Variants in PPP6R3 observed in about 807,000 individuals in gnomAD.
PPP6R3 encodes the protein serine/threonine-protein phosphatase 6 regulatory subunit 3.
A neutral mutation model predicts 110.7 loss-of-function variants in PPP6R3; 38 were observed. That is an observed-to-expected ratio of 0.34 (90% CI 0.26 to 0.45). The LOEUF is 0.45. Ranked by LOEUF, PPP6R3 falls within the 20% of genes least tolerant of loss-of-function variation. The pLI, the probability that PPP6R3 is intolerant of heterozygous loss-of-function variation, is 1.00. For synonymous variants in PPP6R3, 369 were observed against 373.5 expected (o/e 0.99, Z 0.14); for missense variants, 870 against 1,062.4 (o/e 0.82, Z 2.52).
At chr11:68,472,574 T>G (rs959131779) in intron 1 of PPP6R3, among the ~76,000 whole-genome samples, 1 of 151,982 alleles carries the variant, frequency 6.6e-6, no homozygotes. Flanking sequence ...ATTGTCAGAC[T>G]TTAATATTTG....
At position 68,544,937 on chromosome 11, in the gene PPP6R3, C is replaced by T. The variant is rs751831114; in HGVS notation, c.327C>T (p.Phe109=). Residue 109 remains phenylalanine (F), a synonymous_variant, in exon 4 of 24, where the codon TTC becomes TTT. Transcript: ENST00000393800. ...CCTTGCTAATGAAATTATATAGCTT[C>T]CTCCTAAACGATTCCCCTTTGAATC... The part of the protein sequence containing the change: ...DESLLMKLYS[F]LLNDSPLNPL... 3.7e-6 allele frequency: 6 copies of T among 1,604,500 alleles called. No homozygotes were observed. Among genetic ancestry groups the T allele is most frequent in the Non-Finnish European group, 3.4e-6 (4 of 1,171,312 alleles).
intron 2 of PPP6R3, among the ~76,000 whole-genome samples, chr11:68,527,438 A>G (rs938962211): frequency 1.3e-5 from 2 of 152,024 alleles, no homozygotes; most frequent in Admixed American, 6.6e-5. Context: ...CAGGCGTCTT[A>G]CCTTCATCCC....
intron 1 of PPP6R3, among the ~76,000 whole-genome samples, chr11:68,517,058 G>A (rs759233083): frequency 6.6e-6 from 1 of 151,068 alleles, no homozygotes; most frequent in Non-Finnish European, 1.5e-5. Flanking sequence ...TTTAAGTAAC[G>A]GTTTTGAGAA....
chr11:68,510,210 A>G (rs141644193), intron 1 of PPP6R3, among the ~76,000 whole-genome samples: 114 of 151,702 alleles, frequency 7.5e-4, no homozygotes, highest in African/African-American at 2.7e-3. Flanking sequence ...CACCTGGCCT[A>G]TTTTATTTTA....
intron 1 of PPP6R3, among the ~76,000 whole-genome samples, chr11:68,503,797 A>C (rs1447242918): frequency 6.6e-6 from 1 of 152,246 alleles, no homozygotes; most frequent in African/African-American, 2.4e-5. Context: ...ATCATTGAGA[A>C]GACCAACCCA....
intron 14 of PPP6R3, among the ~76,000 whole-genome samples, chr11:68,580,000 T>C (rs1407333230): frequency 6.6e-6 from 1 of 152,204 alleles, no homozygotes; most frequent in East Asian, 1.9e-4. Flanking sequence ...TTTCAGATGG[T>C]AAGTGCTAAG....
In PPP6R3 at chr11:68,607,594, CTA is replaced by C. The variant is rs776908693; in HGVS notation, c.2451-2309_2451-2308del. Among the ~76,000 whole-genome samples, 319 of 152,296 alleles carry C rather than the reference CTA, an allele frequency of 2.1e-3. 1 individual carries two copies. The highest frequency in any genetic ancestry group is 3.0e-3 in the Non-Finnish European group (205 of 68,022). On this transcript the variant is annotated intron_variant, in intron 22 of 23. Transcript: ENST00000393800. ...CTTTTCAGGTGAGGAAACTGAGGCA[CTA>C]GAGTTAAGTGATGAGGCCGGAGGCC... is the stretch of plus-strand genomic sequence containing the variant.
chr11:68,484,413 T>C (rs190132006), intron 1 of PPP6R3, among the ~76,000 whole-genome samples: 1 of 152,302 alleles, frequency 6.6e-6, no homozygotes, highest in East Asian at 1.9e-4. Flanking sequence ...AGATGTGTTG[T>C]GCTATCTCAT....
intron 18 of PPP6R3, among the ~76,000 whole-genome samples, chr11:68,593,015 ATTAT>A (rs2099600226): frequency 6.6e-6 from 1 of 152,194 alleles, no homozygotes; most frequent in African/African-American, 2.4e-5. Flanking sequence ...GGCAGCTTTT[ATTAT>A]TTAACAACTC....
Position 68,614,253 on chromosome 11 carries a change from A to G in PPP6R3, c.*1136A>G. On this transcript the variant is annotated 3_prime_UTR_variant, in exon 24 of 24. Coordinates refer to ENST00000393800, the MANE Select transcript of PPP6R3 (RefSeq NM_001164161.2). ...TTAGAACTGGTTTGTGTATATATAT[A>G]GTGATTATGGATACTAATTCAATGT... The G allele has an allele frequency of 9.8e-7, 1 of 1,021,740 alleles. No homozygotes were observed. Among genetic ancestry groups the G allele is most frequent in the African/African-American group, 1.7e-5 (1 of 57,476 alleles). The allele number at this position is 1,021,740 out of a possible 1,614,324, so 63.3% of individuals were successfully genotyped here.
chr11:68,603,381 A>G lies in PPP6R3; in HGVS notation c.2339A>G (p.Glu780Gly), dbSNP rs777022096. The G allele has an allele frequency of 5.6e-6, 9 of 1,613,774 alleles. No individual in the cohort carries two copies. The African/African-American group carries it at 1.2e-4, about 22-fold the overall frequency. The change falls in exon 22 of 24, where the codon GAG becomes GGG. Residue 780 changes from glutamate to glycine, a missense_variant. Physicochemically the swap from Glu to Gly is moderately conservative, Grantham distance 98. Transcript: ENST00000393800. ...GCCATGGAAGCCAGCTCTGACGGAGAGGAGGATGCAGAAAGTACAGACAAG... is the reference window on the plus strand; with the variant it reads ...GCCATGGAAGCCAGCTCTGACGGAGGGGAGGATGCAGAAAGTACAGACAAG... ...SVAMEASSDG[E>G]EDAESTDKVT...
At chr11:68,567,643 A>G (rs963631370) in intron 10 of PPP6R3, among the ~76,000 whole-genome samples, 1 of 152,268 alleles carries the variant, frequency 6.6e-6, no homozygotes, top group East Asian at 1.9e-4. Flanking sequence ...AAGCCCAGGG[A>G]TGATTTAGGT....
At chr11:68,538,164 G>A (rs1405514006) in intron 3 of PPP6R3, among the ~76,000 whole-genome samples, 1 of 152,240 alleles carries the variant, frequency 6.6e-6, no homozygotes, top group Non-Finnish European at 1.5e-5. Flanking sequence ...TCTCAAAATA[G>A]TAAGATGATT....
chr11:68,584,165 G>C (rs1205977797), intron 15 of PPP6R3, among the ~76,000 whole-genome samples: 2 of 152,206 alleles, frequency 1.3e-5, no homozygotes, highest in Non-Finnish European at 2.9e-5. Flanking sequence ...GCAGATTTCC[G>C]GAGGTTAGGG....
chr11:68,602,103 GAAAGAAATTGTGCCT>G (rs1396555975), intron 21 of PPP6R3, 134 bp downstream of exon 21: 2 of 627,404 alleles, frequency 3.2e-6, no homozygotes, highest in African/African-American at 3.7e-5. Context: ...GGCAGCTGAT[GAAAGAAATTGTGCCT>G]GTCCTTCTAG....
At chr11:68,549,137 C>T (rs796957961) in intron 5 of PPP6R3, among the ~76,000 whole-genome samples, 23 of 152,306 alleles carry the variant, frequency 1.5e-4, no homozygotes, top group African/African-American at 4.6e-4. Context: ...GTGATCCGCC[C>T]GCCTGGGCCT....
intron 7 of PPP6R3, chr11:68,558,168 CCTT>C: frequency 6.5e-6 from 1 of 153,176 alleles, no homozygotes; most frequent in East Asian, 1.9e-4. Flanking sequence ...GAACGTTTTC[CCTT>C]CTTTAGTGAG....
intron 16 of PPP6R3, among the ~76,000 whole-genome samples, chr11:68,589,296 T>C (rs2099588450): frequency 6.6e-6 from 1 of 152,118 alleles, no homozygotes; most frequent in South Asian, 2.1e-4. Flanking sequence ...GATGACCAGG[T>C]TGGCAGGAAA....
chr11:68,511,594 C>T (rs1456137804), intron 1 of PPP6R3, among the ~76,000 whole-genome samples: 2 of 150,914 alleles, frequency 1.3e-5, no homozygotes, highest in African/African-American at 2.4e-5. Flanking sequence ...GATTCCCCTG[C>T]CTCAGCTTCC....
Sources: gnomAD v4.1 joint callset for allele counts (sites outside exome capture counted in the v4.1 genomes callset) on GRCh38, gnomAD v4.1.1 for gene constraint, MANE v1.5 for transcripts, NCBI Gene and HGNC (gene_info 2026-07-23, HGNC 2026-07-21) for gene names.